The following HEMK2 variants were observed in gnomAD, a reference collection of about 807,000 sequenced individuals.
HEMK2 encodes the protein methyltransferase HEMK2.
At chr21:28,678,414 CTGAT>C in the HEMK2 span, among the ~76,000 whole-genome samples, 7 of 152,194 alleles carry the variant, frequency 4.6e-5, no homozygotes, top group Non-Finnish European at 1.0e-4. Flanking sequence ...AAATCTACGT[CTGAT>C]TGGTGTACCT....
chr21:28,842,247 T>C, the HEMK2 span, among the ~76,000 whole-genome samples: 3 of 152,100 alleles, frequency 2.0e-5, no homozygotes, highest in African/African-American at 7.2e-5. Context: ...TATTACATTA[T>C]TTATTCATAT....
At chr21:28,677,646 C>G in the HEMK2 span, among the ~76,000 whole-genome samples, 76 of 152,194 alleles carry the variant, frequency 5.0e-4, no homozygotes, top group Non-Finnish European at 1.0e-3. Flanking sequence ...GAGGCACCCC[C>G]CAGTAGGGGC....
chr21:28,664,079 C>T, the HEMK2 span, among the ~76,000 whole-genome samples: 2 of 152,134 alleles, frequency 1.3e-5, no homozygotes, highest in East Asian at 1.9e-4. Context: ...CAAAATAAAA[C>T]GTGTAGACAT....
the HEMK2 span, among the ~76,000 whole-genome samples, chr21:28,630,918 T>C: frequency 6.6e-5 from 10 of 152,012 alleles, no homozygotes; most frequent in Non-Finnish European, 1.5e-4. Context: ...ACCCTAAAAC[T>C]TAAAGTATAA....
the HEMK2 span, among the ~76,000 whole-genome samples, chr21:28,648,936 TC>T: frequency 8.9e-6 from 1 of 112,800 alleles, no homozygotes; most frequent in East Asian, 3.8e-4. Context: ...CCCTCCCCGC[TC>T]CCCCCACCCC....
chr21:28,850,394 T>G, the HEMK2 span, among the ~76,000 whole-genome samples: 1 of 151,862 alleles, frequency 6.6e-6, no homozygotes, highest in South Asian at 2.1e-4. Flanking sequence ...CCGGCTAATT[T>G]TTTGTATTTT....
chr21:28,678,340 G>C, the HEMK2 span, among the ~76,000 whole-genome samples: 13 of 152,254 alleles, frequency 8.5e-5, no homozygotes, highest in Admixed American at 7.2e-4. Flanking sequence ...GAGAAGTTTA[G>C]AGAAAAAAGA....
the HEMK2 span, among the ~76,000 whole-genome samples, chr21:28,857,197 G>A: frequency 6.6e-6 from 1 of 151,990 alleles, no homozygotes; most frequent in Non-Finnish European, 1.5e-5. Flanking sequence ...AAACTTTTTA[G>A]CAAACTTTGT....
At chr21:28,753,256 C>A in the HEMK2 span, among the ~76,000 whole-genome samples, 1 of 150,708 alleles carries the variant, frequency 6.6e-6, no homozygotes, top group Non-Finnish European at 1.5e-5. Flanking sequence ...ACTTGGGAGG[C>A]GGAGGCAGGA....
chr21:28,825,357 T>C, the HEMK2 span, among the ~76,000 whole-genome samples: 1 of 152,184 alleles, frequency 6.6e-6, no homozygotes, highest in Non-Finnish European at 1.5e-5. Flanking sequence ...GGATCACGCC[T>C]TGAGAACCAC....
chr21:28,627,499 A>C, the HEMK2 span, among the ~76,000 whole-genome samples: 1 of 152,188 alleles, frequency 6.6e-6, no homozygotes, highest in Admixed American at 6.5e-5. Flanking sequence ...CCTGATGAGT[A>C]AGATGAAGTA....
chr21:28,692,348 T>C, the HEMK2 span, among the ~76,000 whole-genome samples: 8 of 152,034 alleles, frequency 5.3e-5, no homozygotes, highest in Non-Finnish European at 1.2e-4. Context: ...AGAAATGCAA[T>C]TAATAGTGTA....
chr21:28,624,012 C>G, the HEMK2 span, among the ~76,000 whole-genome samples: 1 of 152,054 alleles, frequency 6.6e-6, no homozygotes, highest in East Asian at 1.9e-4. Context: ...TTTGCGGTGT[C>G]AAGCAAATGC....
At chr21:28,750,700 C>CAAAAA in the HEMK2 span, among the ~76,000 whole-genome samples, 5 of 80,364 alleles carry the variant, frequency 6.2e-5, no homozygotes, top group South Asian at 4.7e-4. Context: ...GGCTCCATCT[C>CAAAAA]AAAAAAAAAA....
the HEMK2 span, among the ~76,000 whole-genome samples, chr21:28,667,588 A>AT: frequency 7.0e-6 from 1 of 143,722 alleles, no homozygotes; most frequent in South Asian, 2.2e-4. Context: ...ACATTGCATC[A>AT]TTGCATGCCT....
chr21:28,841,426 A>ATATAT, the HEMK2 span, among the ~76,000 whole-genome samples: 243 of 47,108 alleles, frequency 5.2e-3, 11 homozygotes, highest in Non-Finnish European at 5.8e-3. Flanking sequence ...TATATATATA[A>ATATAT]AATATATATA....
the HEMK2 span, among the ~76,000 whole-genome samples, chr21:28,621,522 T>C: frequency 3.9e-5 from 6 of 152,142 alleles, no homozygotes; most frequent in African/African-American, 7.2e-5. Flanking sequence ...GTGAGCAACA[T>C]GGCTGTTTAT....
the HEMK2 span, chr21:28,885,229 C>T: frequency 1.3e-6 from 2 of 1,585,412 alleles, no homozygotes; most frequent in South Asian, 1.1e-5. Context: ...GTTCGGCAGC[C>T]GCTGCCTCCA....
At chr21:28,868,787 C>T in the HEMK2 span, among the ~76,000 whole-genome samples, 5 of 152,192 alleles carry the variant, frequency 3.3e-5, no homozygotes, top group South Asian at 2.1e-4. Flanking sequence ...TATTAAAATA[C>T]ATTTTCCTGC....
Sources: gnomAD v4.1 joint callset for allele counts (sites outside exome capture counted in the v4.1 genomes callset) on GRCh38, gnomAD v4.1.1 for gene constraint, MANE v1.5 for transcripts, NCBI Gene and HGNC (gene_info 2026-07-23, HGNC 2026-07-21) for gene names.